Variants in SEMA3E observed in about 807,000 individuals in gnomAD.
The protein encoded by SEMA3E is semaphorin 3E.
SEMA3E carries 49 observed loss-of-function variants against 93.6 expected under a neutral mutation model. The ratio of observed to expected loss-of-function variants is 0.52; its 90% CI spans 0.42 to 0.66. The LOEUF (loss-of-function observed/expected upper bound fraction) is 0.66. SEMA3E is among the 30% of genes least tolerant of loss of function. The probability of loss-of-function intolerance (pLI) is 0.00; values close to 1 mark genes in which losing one functional copy is unlikely to be tolerated. For missense variants in SEMA3E, 906 were observed against 964.8 expected, an observed-to-expected ratio of 0.94 and a Z score of 0.81; for synonymous variants, 363 against 330.7, an observed-to-expected ratio of 1.10 and a Z score of -1.06.
chr7:83,510,389 T>G (rs1411686461), intron 1 of SEMA3E, among the ~76,000 whole-genome samples: 1 of 152,226 alleles, frequency 6.6e-6, no homozygotes, highest in Admixed American at 6.5e-5. Context: ...TATTGTGTAT[T>G]GTAAGCTTCT....
intron 1 of SEMA3E, among the ~76,000 whole-genome samples, chr7:83,632,499 TA>T (rs1295979090): frequency 6.6e-6 from 1 of 152,096 alleles, no homozygotes; most frequent in African/African-American, 2.4e-5. Flanking sequence ...CTGATGCTTT[TA>T]AAAACAAGTC....
chr7:83,390,020 T>C (rs1273237730), intron 14 of SEMA3E, among the ~76,000 whole-genome samples: 16 of 25,624 alleles, frequency 6.2e-4, no homozygotes, highest in Non-Finnish European at 2.0e-3. Context: ...TATACGCGTA[T>C]ATGTGTATAC....
At chr7:83,562,548 A>G (rs1303550029) in intron 1 of SEMA3E, among the ~76,000 whole-genome samples, 1 of 151,584 alleles carries the variant, frequency 6.6e-6, no homozygotes, top group East Asian at 1.9e-4. Flanking sequence ...CAAGAGCGCT[A>G]TCTTCTAAAG....
chr7:83,585,998 G>A (rs1380182884), intron 1 of SEMA3E, among the ~76,000 whole-genome samples: 1 of 152,146 alleles, frequency 6.6e-6, no homozygotes, highest in African/African-American at 2.4e-5. Context: ...GTAACTTTGG[G>A]TAGTGGGTTT....
At chr7:83,619,904 CAGAT>C (rs1554344946) in intron 1 of SEMA3E, among the ~76,000 whole-genome samples, 12 of 148,038 alleles carry the variant, frequency 8.1e-5, no homozygotes, top group Non-Finnish European at 1.6e-4. Context: ...GATAGATAGA[CAGAT>C]AGATAGATAG....
intron 4 of SEMA3E, among the ~76,000 whole-genome samples, chr7:83,445,070 A>C (rs1479211762): frequency 1.3e-5 from 2 of 152,218 alleles, no homozygotes; most frequent in Admixed American, 1.3e-4. Flanking sequence ...GCAAGGAAGC[A>C]GTGGAGGAAA....
intron 1 of SEMA3E, among the ~76,000 whole-genome samples, chr7:83,554,818 T>C (rs999298131): frequency 6.6e-6 from 1 of 151,680 alleles, no homozygotes; most frequent in Non-Finnish European, 1.5e-5. Context: ...CTACTAAAAA[T>C]AGGAAAAAAT....
intron 6 of SEMA3E, among the ~76,000 whole-genome samples, 153 bp downstream of exon 6, chr7:83,408,215 A>G (rs1322056404): frequency 1.3e-5 from 2 of 152,356 alleles, no homozygotes; most frequent in Middle Eastern, 3.4e-3. Flanking sequence ...TATTATATAC[A>G]ATATTTTAAT....
chr7:83,407,942 A>G (rs186631194), intron 6 of SEMA3E, among the ~76,000 whole-genome samples: 1 of 152,268 alleles, frequency 6.6e-6, no homozygotes, highest in Admixed American at 6.5e-5. Context: ...CTCTGTATCA[A>G]TGAATGTCTA....
At chr7:83,573,244 G>C (rs1792323708) in intron 1 of SEMA3E, among the ~76,000 whole-genome samples, 1 of 151,716 alleles carries the variant, frequency 6.6e-6, no homozygotes, top group African/African-American at 2.4e-5. Context: ...TACATAAACA[G>C]TGTCATTGTC....
chr7:83,589,578 A>G (rs1005271393), intron 1 of SEMA3E, among the ~76,000 whole-genome samples: 3 of 152,188 alleles, frequency 2.0e-5, no homozygotes, highest in Non-Finnish European at 4.4e-5. Context: ...AAAACTTTAC[A>G]TCGTTTGTGA....
At chr7:83,431,766 ATAAC>A (rs941786228) in intron 4 of SEMA3E, among the ~76,000 whole-genome samples, 2 of 152,208 alleles carry the variant, frequency 1.3e-5, no homozygotes, top group African/African-American at 4.8e-5. Flanking sequence ...ATTGGTGTTA[ATAAC>A]TATCTATAAT....
intron 4 of SEMA3E, among the ~76,000 whole-genome samples, chr7:83,460,799 C>G (rs1210206211): frequency 6.6e-6 from 1 of 150,998 alleles, no homozygotes; most frequent in Admixed American, 6.6e-5. Context: ...TATTTCCGCA[C>G]CCCGACCTCT....
chr7:83,402,568 T>C, intron 10 of SEMA3E, 64 bp downstream of exon 10: 1 of 1,461,196 alleles, frequency 6.8e-7, no homozygotes, highest in Non-Finnish European at 9.5e-7. Flanking sequence ...TATGAAACAG[T>C]GAACAAAATA....
At chr7:83,555,781 T>C (rs1791874373) in intron 1 of SEMA3E, among the ~76,000 whole-genome samples, 1 of 152,232 alleles carries the variant, frequency 6.6e-6, no homozygotes, top group Non-Finnish European at 1.5e-5. Context: ...TAGCAAATTC[T>C]ATTTGCTGTT....
intron 16 of SEMA3E, among the ~76,000 whole-genome samples, chr7:83,368,629 A>G (rs1055346261): frequency 3.3e-5 from 5 of 152,164 alleles, no homozygotes; most frequent in Non-Finnish European, 7.4e-5. Flanking sequence ...TTTACAAGAG[A>G]TTAAAAAATA....
At chr7:83,444,835 T>C (rs992295640) in intron 4 of SEMA3E, among the ~76,000 whole-genome samples, 1 of 152,108 alleles carries the variant, frequency 6.6e-6, no homozygotes, top group African/African-American at 2.4e-5. Context: ...CACTCCTGGC[T>C]AATTTTTGTA....
At chr7:83,492,400 C>T (rs115266801) in intron 1 of SEMA3E, among the ~76,000 whole-genome samples, 1,763 of 152,000 alleles carry the variant, frequency 0.012, 32 homozygotes, top group African/African-American at 0.041. Context: ...CTTTTACTTG[C>T]TTTTATGACT....
chr7:83,518,446 T>C (rs909668124), intron 1 of SEMA3E, among the ~76,000 whole-genome samples: 1 of 151,954 alleles, frequency 6.6e-6, no homozygotes, highest in Non-Finnish European at 1.5e-5. Context: ...GCTGATAGAT[T>C]GGAAAAGTTG....
Sources: allele counts gnomAD v4.1 joint callset (sites outside exome capture counted in the v4.1 genomes callset), GRCh38; gene constraint gnomAD v4.1.1; transcripts MANE v1.5; gene names NCBI Gene and HGNC (gene_info 2026-07-23, HGNC 2026-07-21).